STIM2: variants seen among roughly 807,000 people sequenced by gnomAD.
The protein encoded by STIM2 is stromal interaction molecule 2.
STIM2 carries 31 observed loss-of-function variants against 85.8 expected under a neutral mutation model. That is an observed-to-expected ratio of 0.36 (90% CI 0.27 to 0.49). The LOEUF (loss-of-function observed/expected upper bound fraction) is 0.49, where lower values mean the gene tolerates loss of function less well. Ranked by LOEUF, STIM2 falls within the 20% of genes least tolerant of loss-of-function variation. STIM2 has a pLI of 0.98. For synonymous variants in STIM2, 356 were observed against 331.1 expected (o/e 1.08, Z -0.82); for missense variants, 841 against 927.6 (o/e 0.91, Z 1.21).
At position 27,017,708 on chromosome 4, in the gene STIM2, C is replaced by G; in HGVS notation, c.1490-3C>G. The G allele has an allele frequency of 6.2e-7, 1 of 1,612,768 alleles. No individual in the cohort carries two copies. The highest frequency in any genetic ancestry group is 8.5e-7 in the Non-Finnish European group (1 of 1,178,920). On this transcript the variant is annotated splice_polypyrimidine_tract_variant and splice_region_variant and intron_variant, in intron 10 of 11. Coordinates refer to ENST00000467087, the MANE Select transcript of STIM2 (RefSeq NM_020860.4). Reference sequence around the variant, plus strand: ...AGCATGTTTCTTTCTTGGTGTTTTTCAGGGACCATGGCTAAACCTCCTGGA... The same window carrying G: ...AGCATGTTTCTTTCTTGGTGTTTTTGAGGGACCATGGCTAAACCTCCTGGA...
At chr4:26,875,573 TAAC>T (rs1470071949) in intron 1 of STIM2, among the ~76,000 whole-genome samples, 1 of 151,668 alleles carries the variant, frequency 6.6e-6, no homozygotes, top group Non-Finnish European at 1.5e-5. Flanking sequence ...ATTTATCATA[TAAC>T]AACGTGAGAA....
At chr4:26,991,873 G>A (rs1727779713) in intron 3 of STIM2, among the ~76,000 whole-genome samples, 1 of 151,878 alleles carries the variant, frequency 6.6e-6, no homozygotes, top group Admixed American at 6.6e-5. Context: ...TGTAGCACTG[G>A]CCACAACTTC....
chr4:26,946,367 C>T (rs1169267955), intron 2 of STIM2, among the ~76,000 whole-genome samples: 4 of 152,166 alleles, frequency 2.6e-5, no homozygotes, highest in Non-Finnish European at 5.9e-5. Flanking sequence ...CTTATTGGAA[C>T]CTGTGATAAG....
rs546499965 is a variant in STIM2 at position 26,942,311 on chromosome 4, C to T, written c.283-15301C>T. On this transcript the variant is annotated intron_variant, in intron 2 of 11. Coordinates refer to ENST00000467087, the MANE Select transcript of STIM2 (RefSeq NM_020860.4). ...AAGGCAGTCCTTTTGCAATTTTTCT[C>T]TCCTCAGCAACCATATTTTCCCTTT... 1.6e-4 allele frequency among the ~76,000 whole-genome samples: 24 copies of T among 152,270 alleles called. No individual in the cohort carries two copies. The South Asian group carries it at 1.9e-3, about 12-fold the overall frequency.
chr4:27,021,047 G>A, intron 11 of STIM2: 2 of 1,535,058 alleles, frequency 1.3e-6, no homozygotes, highest in Non-Finnish European at 8.7e-7. Context: ...AGACTAAGTA[G>A]TAAAGCTCTC....
chr4:26,884,645 T>C (rs1367843213), intron 1 of STIM2, among the ~76,000 whole-genome samples: 2 of 152,218 alleles, frequency 1.3e-5, no homozygotes, highest in Admixed American at 1.3e-4. Context: ...ATTTCAGTGT[T>C]CATCTGTCAG....
At position 26,911,152 on chromosome 4, in the gene STIM2, G is replaced by A. The variant is rs1054393173; in HGVS notation, c.152-8352G>A. Among the ~76,000 whole-genome samples, 144 of 152,072 alleles carry A rather than the reference G, an allele frequency of 9.5e-4. 1 individual carries two copies. The highest frequency in any genetic ancestry group is 3.2e-3 in the African/African-American group (134 of 41,464). ...CTCAGGAGGCTGAGGCAGGAGAATC[G>A]CTTGAACCCAGGAGGTGTAGGTTGC... is the stretch of plus-strand genomic sequence containing the variant. On this transcript the variant is annotated intron_variant, in intron 1 of 11. Coordinates refer to ENST00000467087, the MANE Select transcript of STIM2 (RefSeq NM_020860.4).
intron 2 of STIM2, among the ~76,000 whole-genome samples, chr4:26,928,570 T>C (rs1180971148): frequency 1.3e-5 from 2 of 152,198 alleles, no homozygotes; most frequent in African/African-American, 2.4e-5. Flanking sequence ...ATGAGAGTCT[T>C]GCTGTGTGGC....
chr4:26,927,704 A>G (rs1384950029), intron 2 of STIM2, among the ~76,000 whole-genome samples: 2 of 128,178 alleles, frequency 1.6e-5, no homozygotes, highest in Non-Finnish European at 3.2e-5. Flanking sequence ...AAAAAAAAAA[A>G]AAACTTGAAT....
intron 10 of STIM2, among the ~76,000 whole-genome samples, chr4:27,016,833 A>G (rs986647057): frequency 6.6e-6 from 1 of 152,186 alleles, no homozygotes; most frequent in Non-Finnish European, 1.5e-5. Flanking sequence ...CCAGGAAGTG[A>G]CTAGTGAAGT....
rs115672666 is a variant in STIM2 at position 26,892,690 on chromosome 4, G to A, written c.152-26814G>A. ...AAGGTCATGAATATAATGGGTTGTT[G>A]TGGTGTCTTGTGGAAGGGAAAGTTG... On this transcript the variant is annotated intron_variant, in intron 1 of 11. Transcript: ENST00000467087. Among the ~76,000 whole-genome samples the A allele has an allele frequency of 2.4e-3, 370 of 152,230 alleles. 2 individuals are homozygous for A. The highest frequency in any genetic ancestry group is 8.1e-3 in the African/African-American group (338 of 41,526).
At chr4:26,862,503 A>G (rs773012599) in intron 1 of STIM2, among the ~76,000 whole-genome samples, 9 of 152,222 alleles carry the variant, frequency 5.9e-5, no homozygotes, top group Non-Finnish European at 1.2e-4. Flanking sequence ...CAGGAACTGT[A>G]TTCTTTAAAG....
chr4:26,987,685 C>T (rs987721140), intron 3 of STIM2, among the ~76,000 whole-genome samples: 4 of 152,174 alleles, frequency 2.6e-5, no homozygotes, highest in African/African-American at 9.6e-5. Flanking sequence ...GAAGAACTGA[C>T]GTAGCTCCAT....
chr4:27,007,823 C>T, intron 8 of STIM2, 123 bp downstream of exon 8: 3 of 1,085,900 alleles, frequency 2.8e-6, no homozygotes, highest in Non-Finnish European at 3.9e-6. Flanking sequence ...TTTTTTCAAA[C>T]TGGAACTTAT....
At chr4:26,992,730 A>G (rs941466993) in intron 3 of STIM2, among the ~76,000 whole-genome samples, 11 of 152,066 alleles carry the variant, frequency 7.2e-5, no homozygotes, top group African/African-American at 2.7e-4. Context: ...AAAGACAACT[A>G]GAGTATTTGG....
rs1207347099 is a variant in STIM2, at chr4:27,008,546, A to G, written c.1250+18A>G. 6.5e-7 allele frequency: 1 copy of G among 1,530,246 alleles called. No individual in the cohort carries two copies. Among genetic ancestry groups the G allele is most frequent in the African/African-American group, 1.4e-5 (1 of 72,188 alleles). 94.8% of individuals were successfully genotyped at this position (1,530,246 alleles called of 1,614,324 possible). ...GAAGCAAAGTAAGAATGTTGTTTTC[A>G]CTTTTATTTGATTTATGTTTATTGT... On this transcript the variant is annotated intron_variant, in intron 9 of 11. Coordinates refer to ENST00000467087, the MANE Select transcript of STIM2 (RefSeq NM_020860.4).
At chr4:26,863,084 G>T (rs1577401501) in intron 1 of STIM2, among the ~76,000 whole-genome samples, 1 of 152,112 alleles carries the variant, frequency 6.6e-6, no homozygotes, top group African/African-American at 2.4e-5. Context: ...TTTATACTGT[G>T]TAGATCACAT....
intron 3 of STIM2, among the ~76,000 whole-genome samples, chr4:26,990,809 G>T (rs1338228298): frequency 1.3e-5 from 2 of 151,984 alleles, no homozygotes; most frequent in African/African-American, 4.8e-5. Context: ...CATACCAGTG[G>T]CCCACAGGTA....
chr4:27,019,109 A>G (rs1251657561), intron 11 of STIM2, among the ~76,000 whole-genome samples: 1 of 152,182 alleles, frequency 6.6e-6, no homozygotes. Flanking sequence ...AGTTTCAGGT[A>G]TTGCCACTGA....
Sources: gnomAD v4.1 joint callset for allele counts (sites outside exome capture counted in the v4.1 genomes callset) on GRCh38, gnomAD v4.1.1 for gene constraint, MANE v1.5 for transcripts, NCBI Gene and HGNC (gene_info 2026-07-23, HGNC 2026-07-21) for gene names.